The following CFAP299 variants were observed in gnomAD, a reference collection of about 807,000 sequenced individuals.
The protein encoded by CFAP299 is cilia- and flagella-associated protein 299.
In CFAP299, 21 loss-of-function variants were observed where a neutral mutation model predicts 27.0. The ratio of observed to expected loss-of-function variants is 0.78; its 90% CI spans 0.55 to 1.12. The LOEUF is 1.12. CFAP299 is among the 50% of genes most tolerant of loss of function. CFAP299 has a pLI of 0.00. For synonymous variants in CFAP299, 104 were observed against 98.1 expected, an observed-to-expected ratio of 1.06 and a Z score of -0.36; for missense variants, 310 against 276.6, an observed-to-expected ratio of 1.12 and a Z score of -0.86.
At position 80,652,743 on chromosome 4, in the gene CFAP299, C is replaced by T. The variant is rs139336089; in HGVS notation, c.333+69560C>T. Among the ~76,000 whole-genome samples the T allele has an allele frequency of 3.5e-3, 531 of 152,036 alleles. 5 individuals carry two copies. The highest frequency in any genetic ancestry group is 0.012 in the African/African-American group (498 of 41,400). ...TCATGTCTCTGTGCTGCCTCTAGTGCTCCCTCATTCCTCTCTGGTGCTTAG... is the reference window on the plus strand; with the variant it reads ...TCATGTCTCTGTGCTGCCTCTAGTGTTCCCTCATTCCTCTCTGGTGCTTAG... On this transcript the variant is annotated intron_variant, in intron 3 of 5. Transcript: ENST00000358105.
chr4:80,528,978 T>A (rs1032159174), intron 2 of CFAP299, among the ~76,000 whole-genome samples: 1 of 152,144 alleles, frequency 6.6e-6, no homozygotes, highest in African/African-American at 2.4e-5. Flanking sequence ...TCATCCACTA[T>A]TTTATTTCAG....
chr4:80,385,801 C>G (rs981506851), intron 2 of CFAP299, among the ~76,000 whole-genome samples: 6 of 152,244 alleles, frequency 3.9e-5, no homozygotes, highest in African/African-American at 1.4e-4. Flanking sequence ...GAGCAACGGA[C>G]TAGAGCCCAC....
intron 3 of CFAP299, among the ~76,000 whole-genome samples, chr4:80,587,849 C>T (rs951403573): frequency 1.3e-5 from 2 of 151,608 alleles, no homozygotes; most frequent in Admixed American, 6.5e-5. Context: ...GCCTGGGCCT[C>T]CCAAAGTGCA....
chr4:80,423,035 A>G (rs1479927408), intron 2 of CFAP299, among the ~76,000 whole-genome samples: 3 of 152,218 alleles, frequency 2.0e-5, no homozygotes, highest in Admixed American at 2.0e-4. Flanking sequence ...ATATCTAAAC[A>G]TATCTAAACT....
chr4:80,914,374 GTGTAGTATCAGA>G (rs1263143853), intron 4 of CFAP299, among the ~76,000 whole-genome samples: 2 of 152,216 alleles, frequency 1.3e-5, no homozygotes, highest in South Asian at 2.1e-4. Flanking sequence ...TCTGGTGTGT[GTGTAGTATCAGA>G]TTTCTTAACC....
At chr4:80,883,804 G>A (rs982536771) in intron 4 of CFAP299, among the ~76,000 whole-genome samples, 1 of 152,080 alleles carries the variant, frequency 6.6e-6, no homozygotes, top group Non-Finnish European at 1.5e-5. Context: ...GGGAGAGATA[G>A]CAATACAATA....
chr4:80,323,367 A>G, the CFAP299 span, among the ~76,000 whole-genome samples: 2 of 152,238 alleles, frequency 1.3e-5, no homozygotes, highest in Non-Finnish European at 2.9e-5. Flanking sequence ...GAAAGCTGTA[A>G]TGTATTATCA....
chr4:80,675,427 AG>A (rs1234844578), intron 3 of CFAP299, among the ~76,000 whole-genome samples: 1 of 152,134 alleles, frequency 6.6e-6, no homozygotes, highest in Non-Finnish European at 1.5e-5. Flanking sequence ...TTCCTCCCAG[AG>A]GGGCACCCAC....
At chr4:80,626,289 T>C (rs1169992095) in intron 3 of CFAP299, among the ~76,000 whole-genome samples, 1 of 151,822 alleles carries the variant, frequency 6.6e-6, no homozygotes, top group African/African-American at 2.4e-5. Flanking sequence ...AACTAATAGG[T>C]CAATGAAGAA....
At chr4:80,916,630 A>G (rs1161312052) in intron 4 of CFAP299, among the ~76,000 whole-genome samples, 1 of 151,926 alleles carries the variant, frequency 6.6e-6, no homozygotes, top group African/African-American at 2.4e-5. Flanking sequence ...AGTTCTGGTA[A>G]TTCTTCCTTT....
chr4:80,507,093 T>A (rs1732072263), intron 2 of CFAP299, among the ~76,000 whole-genome samples: 1 of 152,188 alleles, frequency 6.6e-6, no homozygotes, highest in Admixed American at 6.5e-5. Flanking sequence ...TTCTATTATT[T>A]ACAGCCCTAG....
At chr4:80,882,181 G>A (rs995639942) in intron 4 of CFAP299, among the ~76,000 whole-genome samples, 1 of 152,152 alleles carries the variant, frequency 6.6e-6, no homozygotes, top group East Asian at 1.9e-4. Context: ...TTGGTAGAAA[G>A]TGATTTAAAG....
At chr4:80,496,333 A>G (rs1560594423) in intron 2 of CFAP299, among the ~76,000 whole-genome samples, 1 of 152,204 alleles carries the variant, frequency 6.6e-6, no homozygotes, top group Non-Finnish European at 1.5e-5. Flanking sequence ...AATTTCTTCT[A>G]CCAGATACCC....
intron 2 of CFAP299, among the ~76,000 whole-genome samples, chr4:80,508,463 A>G (rs189836184): frequency 0.015 from 2,221 of 152,256 alleles, 32 homozygotes; most frequent in South Asian, 0.077. Context: ...TATAAGAAGC[A>G]TTGAGTTGTA....
intron 3 of CFAP299, among the ~76,000 whole-genome samples, chr4:80,819,810 C>T (rs897820509): frequency 6.6e-6 from 1 of 152,002 alleles, no homozygotes; most frequent in Non-Finnish European, 1.5e-5. Context: ...AGCTTAGAGC[C>T]TTATATTAAG....
In CFAP299 at chr4:80,955,730, G is replaced by A. The variant is rs113748024; in HGVS notation, c.607-7787G>A. Reference sequence around the variant, plus strand: ...AAAATAATGTAGCTAGGCCAGGCGCGGTGGCTCATGCCTGTAATCTCAGCA... The same window carrying A: ...AAAATAATGTAGCTAGGCCAGGCGCAGTGGCTCATGCCTGTAATCTCAGCA... On this transcript the variant is annotated intron_variant, in intron 5 of 5. Coordinates refer to ENST00000358105, the MANE Select transcript of CFAP299 (RefSeq NM_152770.3). Among the ~76,000 whole-genome samples, 87 of 152,272 alleles carry A rather than the reference G, an allele frequency of 5.7e-4. 1 individual carries two copies. The highest frequency in any genetic ancestry group is 1.9e-3 in the African/African-American group (77 of 41,548).
At chr4:80,767,617 T>A (rs953601642) in intron 3 of CFAP299, among the ~76,000 whole-genome samples, 95 of 151,978 alleles carry the variant, frequency 6.3e-4, no homozygotes, top group East Asian at 4.1e-3. Flanking sequence ...TCAAAAAAAT[T>A]AAAAAAATAA....
At chr4:80,842,304 C>CTTT (rs1268751751) in intron 3 of CFAP299, among the ~76,000 whole-genome samples, 3 of 152,072 alleles carry the variant, frequency 2.0e-5, no homozygotes, top group African/African-American at 7.2e-5. Context: ...AGACCTCTTT[C>CTTT]TTTTTTCATG....
At chr4:80,949,518 G>T (rs1174206533) in intron 5 of CFAP299, among the ~76,000 whole-genome samples, 1 of 139,764 alleles carries the variant, frequency 7.2e-6, no homozygotes, top group Admixed American at 7.6e-5. Context: ...AAAACTTAAA[G>T]TATAATAAAA....
Sources: allele counts gnomAD v4.1 joint callset (sites outside exome capture counted in the v4.1 genomes callset), GRCh38; gene constraint gnomAD v4.1.1; transcripts MANE v1.5; gene names NCBI Gene and HGNC (gene_info 2026-07-23, HGNC 2026-07-21).